DPH6: variants seen among roughly 807,000 people sequenced by gnomAD.
DPH6 encodes diphthamine biosynthesis 6.
A neutral mutation model predicts 38.2 loss-of-function variants in DPH6; 33 were observed. That is an observed-to-expected ratio of 0.86 (90% CI 0.65 to 1.15). The LOEUF is 1.15. Ranked by LOEUF, DPH6 falls within the 50% of genes most tolerant of loss-of-function variation. DPH6 has a pLI of 0.00. For missense variants in DPH6, 325 were observed against 320.0 expected (o/e 1.02, Z -0.12); for synonymous variants, 108 against 103.0 (o/e 1.05, Z -0.30).
intron 3 of DPH6, among the ~76,000 whole-genome samples, chr15:35,280,550 A>T (rs2051891431): frequency 6.6e-6 from 1 of 152,230 alleles, no homozygotes; most frequent in African/African-American, 2.4e-5. Context: ...TGCCAACAGT[A>T]CACATCAGCC....
At chr15:35,208,002 C>T in the DPH6 span, among the ~76,000 whole-genome samples, 1 of 152,178 alleles carries the variant, frequency 6.6e-6, no homozygotes, top group Admixed American at 6.5e-5. Flanking sequence ...GTTTTGCCTA[C>T]TAGCCTCACT....
At chr15:35,305,647 C>T (rs1245161458) in intron 3 of DPH6, among the ~76,000 whole-genome samples, 5 of 151,972 alleles carry the variant, frequency 3.3e-5, no homozygotes, top group Non-Finnish European at 7.4e-5. Flanking sequence ...ATTTAAAAAG[C>T]ACGAAAGATC....
intron 3 of DPH6, among the ~76,000 whole-genome samples, chr15:35,240,778 C>A (rs2051592284): frequency 6.9e-6 from 1 of 144,090 alleles, no homozygotes; most frequent in Non-Finnish European, 1.5e-5. Context: ...GGTCAAAAGG[C>A]CGTCTTATTC....
intron 3 of DPH6, among the ~76,000 whole-genome samples, chr15:35,293,140 T>C (rs2051990753): frequency 1.3e-5 from 2 of 152,184 alleles, no homozygotes; most frequent in Admixed American, 1.3e-4. Context: ...ACTATAGAAT[T>C]TGCTATTCTG....
chr15:35,505,492 G>C (rs1297993546), intron 3 of DPH6, among the ~76,000 whole-genome samples: 1 of 151,996 alleles, frequency 6.6e-6, no homozygotes, highest in Non-Finnish European at 1.5e-5. Context: ...AAAAACTGTT[G>C]AATGTCTCAT....
intron 7 of DPH6, among the ~76,000 whole-genome samples, chr15:35,380,950 C>T (rs1359590358): frequency 6.6e-6 from 1 of 152,056 alleles, no homozygotes; most frequent in African/African-American, 2.4e-5. Context: ...AATATGAAAG[C>T]AAGAGTGCAT....
chr15:35,294,564 T>C (rs917201465), intron 3 of DPH6, among the ~76,000 whole-genome samples: 3 of 152,144 alleles, frequency 2.0e-5, no homozygotes, highest in Non-Finnish European at 2.9e-5. Flanking sequence ...GCCGTTTTTT[T>C]TGTCTTCAAT....
intron 3 of DPH6, among the ~76,000 whole-genome samples, chr15:35,313,380 T>C (rs1001770555): frequency 2.0e-5 from 3 of 151,896 alleles, no homozygotes; most frequent in African/African-American, 7.3e-5. Flanking sequence ...GTGAAGAACA[T>C]CCTTGGTATT....
chr15:35,521,834 G>A, intron 3 of DPH6: 1 of 1,317,094 alleles, frequency 7.6e-7, no homozygotes, highest in Non-Finnish European at 9.6e-7. Context: ...GCTCCTAAAG[G>A]AGTATAAAAA....
the DPH6 span, among the ~76,000 whole-genome samples, chr15:35,203,141 T>C: frequency 1.3e-5 from 2 of 151,770 alleles, no homozygotes; most frequent in African/African-American, 4.8e-5. Flanking sequence ...TTAAAAGTTA[T>C]ATAGATATAG....
chr15:35,452,026 AAAAAAGAAGACAT>A (rs982263650), intron 4 of DPH6, among the ~76,000 whole-genome samples: 1 of 152,034 alleles, frequency 6.6e-6, no homozygotes, highest in Admixed American at 6.6e-5. Context: ...CAAACAAACA[AAAAAAGAAGACAT>A]AAAATAGATC....
intron 3 of DPH6, among the ~76,000 whole-genome samples, chr15:35,322,976 T>A (rs1308247594): frequency 6.6e-6 from 1 of 152,196 alleles, no homozygotes; most frequent in Admixed American, 6.6e-5. Flanking sequence ...TCTCTTCAGT[T>A]TTCAGAAGGA....
At chr15:35,226,253 T>C (rs1473654894) in intron 3 of DPH6, among the ~76,000 whole-genome samples, 1 of 152,206 alleles carries the variant, frequency 6.6e-6, no homozygotes, top group East Asian at 1.9e-4. Context: ...TGTAGTATGG[T>C]GATAGCTTTA....
At position 35,489,909 on chromosome 15, in the gene DPH6, T is replaced by C. The variant is rs2054454346; in HGVS notation, c.313-35089A>G. Reference sequence around the variant, plus strand: ...TACATTTTTCTGTACTAAAAATCTATAATGATTACTTTTTAAAAGTATCAA... The same window carrying C: ...TACATTTTTCTGTACTAAAAATCTACAATGATTACTTTTTAAAAGTATCAA... On this transcript the variant is annotated intron_variant, in intron 3 of 8. Transcript: ENST00000256538. 5.2e-6 allele frequency: 5 copies of C among 966,966 alleles called. No homozygotes were observed. The South Asian group carries it at 2.4e-4, about 46-fold the overall frequency. 59.9% of individuals were successfully genotyped at this position (966,966 alleles called of 1,614,324 possible). A position where few individuals can be genotyped will look rare whatever the true frequency, so the allele number is the denominator to read the frequency against.
chr15:35,173,419 T>C, the DPH6 span, among the ~76,000 whole-genome samples: 3 of 152,248 alleles, frequency 2.0e-5, no homozygotes, highest in African/African-American at 7.2e-5. Context: ...TTTTTCTAAA[T>C]ATAGGCCACT....
chr15:35,355,797 A>G (rs2052554639), intron 3 of DPH6, among the ~76,000 whole-genome samples: 1 of 152,016 alleles, frequency 6.6e-6, no homozygotes, highest in Non-Finnish European at 1.5e-5. Flanking sequence ...TCTTTGTGGC[A>G]TTCTCTGTAT....
chr15:35,175,929 G>A, the DPH6 span, among the ~76,000 whole-genome samples: 2 of 152,174 alleles, frequency 1.3e-5, no homozygotes, highest in African/African-American at 4.8e-5. Context: ...AAGTCTGAGA[G>A]AAACTCTCTC....
At chr15:35,268,959 A>G (rs951733999) in intron 3 of DPH6, among the ~76,000 whole-genome samples, 2 of 152,142 alleles carry the variant, frequency 1.3e-5, no homozygotes, top group Non-Finnish European at 2.9e-5. Flanking sequence ...TGCCAAGATG[A>G]ATGTTTCCAA....
intron 6 of DPH6, among the ~76,000 whole-genome samples, chr15:35,387,484 T>C (rs1173364398): frequency 6.6e-6 from 1 of 152,210 alleles, no homozygotes; most frequent in Non-Finnish European, 1.5e-5. Flanking sequence ...GCATGGAATA[T>C]TCTTCCATTT....
Sources: gnomAD v4.1 joint callset for allele counts (sites outside exome capture counted in the v4.1 genomes callset) on GRCh38, gnomAD v4.1.1 for gene constraint, MANE v1.5 for transcripts, NCBI Gene and HGNC (gene_info 2026-07-23, HGNC 2026-07-21) for gene names.